The following VDAC1 variants were observed in gnomAD, a reference collection of about 807,000 sequenced individuals.
VDAC1 encodes voltage dependent anion channel 1.
In VDAC1, 10 loss-of-function variants were observed where a neutral mutation model predicts 34.7. The observed-to-expected ratio is 0.29, with a 90% CI of 0.18 to 0.49. The LOEUF is 0.49. Ranked by LOEUF, VDAC1 falls within the 20% of genes least tolerant of loss-of-function variation. The pLI, the probability that VDAC1 is intolerant of heterozygous loss-of-function variation, is 0.99. For synonymous variants in VDAC1, 130 were observed against 136.0 expected (o/e 0.96, Z 0.30); for missense variants, 230 against 347.9 (o/e 0.66, Z 2.69).
chr5:133,977,633 T>C (rs573109788), intron 6 of VDAC1, among the ~76,000 whole-genome samples: 29 of 152,264 alleles, frequency 1.9e-4, no homozygotes, highest in Non-Finnish European at 4.1e-4. Flanking sequence ...CGGGCTGGGG[T>C]CGGCACAGAT....
the VDAC1 span, among the ~76,000 whole-genome samples, chr5:134,077,368 GA>G: frequency 5.3e-5 from 8 of 151,582 alleles, no homozygotes; most frequent in South Asian, 1.3e-3. Context: ...CCTGGCACAG[GA>G]AAAAAAACTT....
At chr5:134,091,286 T>A in the VDAC1 span, among the ~76,000 whole-genome samples, 1 of 152,172 alleles carries the variant, frequency 6.6e-6, no homozygotes, top group Non-Finnish European at 1.5e-5. Context: ...ACCCACATCC[T>A]TCCCCCTTCC....
intron 5 of VDAC1, among the ~76,000 whole-genome samples, chr5:133,987,482 A>G (rs1752951889): frequency 6.6e-6 from 1 of 152,200 alleles, no homozygotes; most frequent in Admixed American, 6.5e-5. Context: ...GTTCTAGACC[A>G]GCCTGGCCAA....
chr5:133,986,841 GT>G (rs1010389288), intron 5 of VDAC1, among the ~76,000 whole-genome samples: 1 of 152,134 alleles, frequency 6.6e-6, no homozygotes, highest in African/African-American at 2.4e-5. Flanking sequence ...AACGACAGAG[GT>G]TTGTCAAAAA....
chr5:134,023,446 T>C, the VDAC1 span, among the ~76,000 whole-genome samples: 2 of 138,330 alleles, frequency 1.4e-5, no homozygotes. Flanking sequence ...GTAACAAACC[T>C]ACATGTTCTG....
intron 6 of VDAC1, among the ~76,000 whole-genome samples, chr5:133,978,969 G>GCT (rs1195856340): frequency 6.6e-6 from 1 of 152,078 alleles, no homozygotes; most frequent in Admixed American, 6.6e-5. Flanking sequence ...TCGTGCCACT[G>GCT]AACTCCAGCC....
At chr5:134,019,405 C>G in the VDAC1 span, among the ~76,000 whole-genome samples, 1 of 152,162 alleles carries the variant, frequency 6.6e-6, no homozygotes, top group East Asian at 1.9e-4. Context: ...TAGTGAGACT[C>G]TGTCTCTATG....
At chr5:134,089,018 C>A in the VDAC1 span, among the ~76,000 whole-genome samples, 1 of 152,198 alleles carries the variant, frequency 6.6e-6, no homozygotes, top group Non-Finnish European at 1.5e-5. Flanking sequence ...TACTTTGATG[C>A]CCTAATTCTC....
rs114384196 is a variant in VDAC1, at chr5:133,995,441, C to T, written c.-6-2423G>A. ...ACCGACAATGAAGCATAATCTCCCC[C>T]GTTCTGGGCCCCCAAGTAAGCATTC... On this transcript the variant is annotated intron_variant, in intron 1 of 8. Coordinates refer to ENST00000265333, the MANE Select transcript of VDAC1 (RefSeq NM_003374.3). Among the ~76,000 whole-genome samples, 1,058 of 152,278 alleles carry T rather than the reference C, an allele frequency of 6.9e-3. 12 individuals are homozygous for T. Among genetic ancestry groups the T allele is most frequent in the African/African-American group, 0.022 (905 of 41,530 alleles).
At chr5:134,104,526 C>T in the VDAC1 span, among the ~76,000 whole-genome samples, 2 of 152,198 alleles carry the variant, frequency 1.3e-5, no homozygotes, top group Non-Finnish European at 2.9e-5. Flanking sequence ...GAGCTAGGTC[C>T]ACCCTGGGGG....
the VDAC1 span, among the ~76,000 whole-genome samples, chr5:134,079,003 C>G: frequency 7.0e-6 from 1 of 143,252 alleles, no homozygotes; most frequent in Admixed American, 7.1e-5. Flanking sequence ...GATAGGGTTT[C>G]ACTCTGTGGC....
At chr5:134,104,833 A>G in the VDAC1 span, among the ~76,000 whole-genome samples, 1 of 152,230 alleles carries the variant, frequency 6.6e-6, no homozygotes, top group Non-Finnish European at 1.5e-5. Context: ...GCGAGGGGAT[A>G]TACTTTCACC....
chr5:134,056,297 C>T, the VDAC1 span, among the ~76,000 whole-genome samples: 1 of 148,226 alleles, frequency 6.7e-6, no homozygotes, highest in Admixed American at 6.7e-5. Context: ...TTTTACCTTA[C>T]AAGATATGAT....
At chr5:133,999,036 C>T (rs1302256851) in intron 1 of VDAC1, among the ~76,000 whole-genome samples, 1 of 152,200 alleles carries the variant, frequency 6.6e-6, no homozygotes, top group African/African-American at 2.4e-5. Flanking sequence ...ATGTGCCAGG[C>T]ATGGTGGCTC....
the VDAC1 span, among the ~76,000 whole-genome samples, chr5:134,094,748 T>C: frequency 6.7e-6 from 1 of 149,534 alleles, no homozygotes; most frequent in South Asian, 2.1e-4. Context: ...GCTGCCTTTG[T>C]GCTCCCCAGT....
chr5:134,071,724 A>G, the VDAC1 span, among the ~76,000 whole-genome samples: 4 of 152,200 alleles, frequency 2.6e-5, no homozygotes, highest in Admixed American at 2.0e-4. This position sits in a 1 kb window ranked among gnomAD's most constrained non-coding sequence, Gnocchi z 4.1. Context: ...ACCCAGTTCC[A>G]GTATTAGTGC....
chr5:134,090,445 C>T, the VDAC1 span, among the ~76,000 whole-genome samples: 1 of 152,242 alleles, frequency 6.6e-6, no homozygotes, highest in Non-Finnish European at 1.5e-5. Context: ...GCCTCTGCTT[C>T]TCTCTGGGCC....
chr5:134,081,870 T>C, the VDAC1 span: 2 of 154,188 alleles, frequency 1.3e-5, no homozygotes, highest in East Asian at 3.8e-4. Flanking sequence ...TCAAGAGTGG[T>C]GGAATCAGTG....
At chr5:133,979,410 T>C (rs1308895395) in intron 6 of VDAC1, among the ~76,000 whole-genome samples, 1 of 149,794 alleles carries the variant, frequency 6.7e-6, no homozygotes, top group African/African-American at 2.4e-5. Context: ...ATAATAAAAT[T>C]GATATTTTCT....
Sources: gnomAD v4.1 joint callset for allele counts (sites outside exome capture counted in the v4.1 genomes callset) on GRCh38, gnomAD v4.1.1 for gene constraint, Gnocchi (gnomAD v3.1) non-coding constraint, MANE v1.5 for transcripts, NCBI Gene and HGNC (gene_info 2026-07-23, HGNC 2026-07-21) for gene names.